The following SPSB4 variants were observed in gnomAD, a reference collection of about 807,000 sequenced individuals.
The protein encoded by SPSB4 is SPRY domain-containing SOCS box protein 4.
A neutral mutation model predicts 20.9 loss-of-function variants in SPSB4; 21 were observed. That is an observed-to-expected ratio of 1.01 (90% confidence interval 0.71 to 1.45). SPSB4 has a LOEUF of 1.45. Among genes scored for constraint, SPSB4 ranks in the 40% most tolerant of loss-of-function variants. The pLI is 0.00. For synonymous variants in SPSB4, 207 were observed against 183.8 expected (o/e 1.13, Z -1.02); for missense variants, 399 against 399.2 (o/e 1.00, Z 0.00).
chr3:141,118,909 G>T (rs1263515003), intron 2 of SPSB4, among the ~76,000 whole-genome samples: 1 of 152,188 alleles, frequency 6.6e-6, no homozygotes, highest in Middle Eastern at 3.2e-3. Flanking sequence ...AGTATAGTTT[G>T]AAGTCAGGTA....
intron 2 of SPSB4, among the ~76,000 whole-genome samples, chr3:141,119,827 A>T (rs1454671239): frequency 6.6e-6 from 1 of 151,878 alleles, no homozygotes; most frequent in Non-Finnish European, 1.5e-5. Flanking sequence ...TTTTGCTAGC[A>T]GTCTATGTAT....
At chr3:141,137,077 T>C (rs1939241151) in intron 2 of SPSB4, among the ~76,000 whole-genome samples, 1 of 152,170 alleles carries the variant, frequency 6.6e-6, no homozygotes, top group Non-Finnish European at 1.5e-5. Flanking sequence ...GTTGGATTCC[T>C]AGGTATTTTA....
intron 2 of SPSB4, among the ~76,000 whole-genome samples, chr3:141,093,709 A>G (rs1488034339): frequency 6.6e-6 from 1 of 152,126 alleles, no homozygotes; most frequent in East Asian, 1.9e-4. Flanking sequence ...ATGCATATTA[A>G]TCACACACAT....
At chr3:141,099,643 T>C (rs1938588440) in intron 2 of SPSB4, among the ~76,000 whole-genome samples, 1 of 152,238 alleles carries the variant, frequency 6.6e-6, no homozygotes, top group African/African-American at 2.4e-5. Flanking sequence ...CTTCAAAGCT[T>C]CAGATGTTGG....
At chr3:141,100,138 T>C (rs963365780) in intron 2 of SPSB4, among the ~76,000 whole-genome samples, 1 of 152,230 alleles carries the variant, frequency 6.6e-6, no homozygotes, top group Non-Finnish European at 1.5e-5. Context: ...GCTGCTGGGC[T>C]GTGCCCTATT....
At chr3:141,055,461 C>G (rs1435483674) in intron 1 of SPSB4, among the ~76,000 whole-genome samples, 1 of 152,036 alleles carries the variant, frequency 6.6e-6, no homozygotes, top group Non-Finnish European at 1.5e-5. Context: ...GGGTGCCAAG[C>G]AAAGAGGTGC....
intron 2 of SPSB4, among the ~76,000 whole-genome samples, chr3:141,088,849 A>G (rs1435234926): frequency 6.6e-6 from 1 of 152,120 alleles, no homozygotes; most frequent in Admixed American, 6.5e-5. Context: ...CCACAAAGCT[A>G]TCTGCACCCA....
At chr3:141,060,309 T>C (rs1466366346) in intron 1 of SPSB4, among the ~76,000 whole-genome samples, 2 of 152,216 alleles carry the variant, frequency 1.3e-5, no homozygotes, top group Admixed American at 6.5e-5. Context: ...ACTCCACAGT[T>C]GGCATGGTTG....
intron 2 of SPSB4, chr3:141,116,986 T>A (rs1210943250): frequency 3.3e-5 from 5 of 152,206 alleles, no homozygotes; most frequent in African/African-American, 1.2e-4. Flanking sequence ...GAGCCCCAGC[T>A]CACAGATGCA....
Position 141,140,124 on chromosome 3 carries a change from G to A in SPSB4, c.695-7018G>A, listed in dbSNP as rs369999051. On this transcript the variant is annotated intron_variant, in intron 2 of 2. Transcript: ENST00000310546. ...GATACCCTTTCTTCCAGTTGATCGC[G>A]TCAGTTACTGAGGCTTGTGCATTCG... Among the ~76,000 whole-genome samples the A allele has an allele frequency of 1.1e-4, 16 of 152,036 alleles. No individual in the cohort carries two copies. In the East Asian group the frequency reaches 1.4e-3, roughly 13 times the overall value.
intron 2 of SPSB4, among the ~76,000 whole-genome samples, chr3:141,132,604 C>A (rs1214210825): frequency 6.6e-6 from 1 of 151,940 alleles, no homozygotes; most frequent in Non-Finnish European, 1.5e-5. Flanking sequence ...GCTGTGAATG[C>A]CATTATTTCA....
At chr3:141,138,546 G>A (rs913786926) in intron 2 of SPSB4, among the ~76,000 whole-genome samples, 6 of 152,062 alleles carry the variant, frequency 3.9e-5, no homozygotes, top group African/African-American at 9.7e-5. Context: ...CTTTGTTCTC[G>A]TTGGTTTCAA....
chr3:141,054,909 G>A (rs1041466013), intron 1 of SPSB4, among the ~76,000 whole-genome samples: 11 of 151,734 alleles, frequency 7.2e-5, no homozygotes, highest in South Asian at 2.1e-4. Context: ...AGCTTGCAGT[G>A]AGCCGAGATG....
chr3:141,068,058 G>T (rs187763396), intron 2 of SPSB4, among the ~76,000 whole-genome samples: 31 of 152,244 alleles, frequency 2.0e-4, no homozygotes, highest in Admixed American at 7.8e-4. Context: ...CCAGAAAAGA[G>T]TAACACTTCT....
chr3:141,125,160 A>G (rs751807964), intron 2 of SPSB4, among the ~76,000 whole-genome samples: 3 of 152,230 alleles, frequency 2.0e-5, no homozygotes, highest in Non-Finnish European at 4.4e-5. Flanking sequence ...GGATGCAAAA[A>G]TGGAAGGGGA....
At chr3:141,132,769 A>C (rs1481177553) in intron 2 of SPSB4, among the ~76,000 whole-genome samples, 1 of 152,190 alleles carries the variant, frequency 6.6e-6, no homozygotes, top group Non-Finnish European at 1.5e-5. Context: ...ATGCATGTGC[A>C]ACTGTCTTGT....
rs76488556 is a variant in SPSB4, at chr3:141,145,525, C to T, written c.695-1617C>T. 2.3e-3 allele frequency among the ~76,000 whole-genome samples: 348 copies of T among 152,256 alleles called. 5 individuals carry two copies. The highest frequency in any genetic ancestry group is 7.7e-3 in the African/African-American group (320 of 41,548). Reference sequence around the variant, plus strand: ...AAAAATGTTTGAAAGCTGCAGGCCTCGGGTGGATCTGTAGAGGGCCTTTCT... The same window carrying T: ...AAAAATGTTTGAAAGCTGCAGGCCTTGGGTGGATCTGTAGAGGGCCTTTCT... On this transcript the variant is annotated intron_variant, in intron 2 of 2. Transcript: ENST00000310546.
At chr3:141,102,958 C>A (rs1414953843) in intron 2 of SPSB4, among the ~76,000 whole-genome samples, 2 of 152,162 alleles carry the variant, frequency 1.3e-5, no homozygotes, top group Non-Finnish European at 2.9e-5. Flanking sequence ...CCCCTCTATT[C>A]CCAGACCCTA....
chr3:141,112,668 A>AAAAAAAAAAAAAAC (rs1938820577), intron 2 of SPSB4, among the ~76,000 whole-genome samples: 1 of 149,364 alleles, frequency 6.7e-6, no homozygotes, highest in African/African-American at 2.5e-5. Context: ...AAAAAAAAAA[A>AAAAAAAAAAAAAAC]AGACAGAAGG....
Sources: gnomAD v4.1 joint callset for allele counts (sites outside exome capture counted in the v4.1 genomes callset) on GRCh38, gnomAD v4.1.1 for gene constraint, MANE v1.5 for transcripts, NCBI Gene and HGNC (gene_info 2026-07-23, HGNC 2026-07-21) for gene names.